The following COBL variants were observed in gnomAD, a reference collection of about 807,000 sequenced individuals.
The protein encoded by COBL is cordon-bleu WH2 repeat protein.
Under a neutral mutation model 98.8 loss-of-function variants are expected in COBL, and 51 were observed. The ratio of observed to expected loss-of-function variants is 0.52; its 90% CI spans 0.41 to 0.65. The LOEUF (loss-of-function observed/expected upper bound fraction) is 0.65, where lower values mean the gene tolerates loss of function less well. COBL is among the 30% of genes least tolerant of loss of function. COBL has a pLI of 0.00. For missense variants in COBL, 1,617 were observed against 1,617.5 expected, an observed-to-expected ratio of 1.00 and a Z score of 0.01; for synonymous variants, 634 against 651.7, an observed-to-expected ratio of 0.97 and a Z score of 0.41.
chr7:51,068,008 C>G (rs1187646201), intron 7 of COBL, among the ~76,000 whole-genome samples: 1 of 152,190 alleles, frequency 6.6e-6, no homozygotes, highest in East Asian at 1.9e-4. Context: ...AGATGCTGCC[C>G]TGGTGCCTGC....
intron 9 of COBL, 105 bp from the exon 10 acceptor site, chr7:51,029,696 AT>A: frequency 1.1e-6 from 1 of 907,350 alleles, no homozygotes; most frequent in Non-Finnish European, 1.6e-6. Context: ...TGAATACATT[AT>A]TTATATACGT....
At chr7:51,129,125 C>T (rs1009903565) in intron 6 of COBL, among the ~76,000 whole-genome samples, 2 of 152,100 alleles carry the variant, frequency 1.3e-5, no homozygotes, top group East Asian at 1.9e-4. Flanking sequence ...GCTTTTTTCA[C>T]TGAGAAACTG....
At chr7:51,174,787 C>T (rs2129045994) in intron 5 of COBL, among the ~76,000 whole-genome samples, 2 of 152,334 alleles carry the variant, frequency 1.3e-5, no homozygotes, top group South Asian at 4.1e-4. Flanking sequence ...TTCTTATAAC[C>T]ATGGCTGAAT....
chr7:51,170,411 C>T (rs1474906792), intron 5 of COBL, among the ~76,000 whole-genome samples: 1 of 150,810 alleles, frequency 6.6e-6, no homozygotes, highest in Non-Finnish European at 1.5e-5. Flanking sequence ...AAGGCTTACC[C>T]ATTCCTCATG....
At chr7:51,292,799 A>G (rs536166608) in intron 1 of COBL, among the ~76,000 whole-genome samples, 5 of 152,224 alleles carry the variant, frequency 3.3e-5, no homozygotes, top group Non-Finnish European at 7.3e-5. Flanking sequence ...CAGCCCCTGC[A>G]GGCCCCGAGC....
chr7:51,228,691 TCACAA>T (rs1794438015), intron 1 of COBL, among the ~76,000 whole-genome samples: 1 of 152,076 alleles, frequency 6.6e-6, no homozygotes, highest in African/African-American at 2.4e-5. Flanking sequence ...CACTGATATC[TCACAA>T]CACATCAAGT....
chr7:51,290,132 T>C (rs532670198), intron 1 of COBL, among the ~76,000 whole-genome samples: 1 of 152,030 alleles, frequency 6.6e-6, no homozygotes, highest in South Asian at 2.1e-4. Context: ...GAATGAAAGG[T>C]GGTGACTGCT....
At chr7:51,018,947 T>C (rs1461240404) in intron 12 of COBL, among the ~76,000 whole-genome samples, 1 of 108,516 alleles carries the variant, frequency 9.2e-6, no homozygotes, top group Non-Finnish European at 2.0e-5. Flanking sequence ...TATATATATA[T>C]ATATATGATT....
intron 6 of COBL, among the ~76,000 whole-genome samples, chr7:51,087,778 C>CT (rs34922133): frequency 0.53 from 62,089 of 117,172 alleles, 17,115 homozygotes; most frequent in African/African-American, 0.6. Flanking sequence ...CCGGCCCCGC[C>CT]TTTTTTTTTT....
intron 7 of COBL, among the ~76,000 whole-genome samples, chr7:51,049,503 A>G (rs1271156719): frequency 6.6e-6 from 1 of 152,208 alleles, no homozygotes; most frequent in Non-Finnish European, 1.5e-5. Flanking sequence ...ATTCTCCCAG[A>G]AGAACGTGTA....
At chr7:51,291,029 C>A (rs1268254886) in intron 1 of COBL, among the ~76,000 whole-genome samples, 2 of 152,220 alleles carry the variant, frequency 1.3e-5, no homozygotes, top group Non-Finnish European at 2.9e-5. Flanking sequence ...CAGGGGCTCA[C>A]AACCCTTGGG....
At chr7:51,242,115 C>G (rs534259717) in intron 1 of COBL, among the ~76,000 whole-genome samples, 1 of 152,334 alleles carries the variant, frequency 6.6e-6, no homozygotes, top group African/African-American at 2.4e-5. Flanking sequence ...AACTTCACTT[C>G]AGCTTCTGAT....
chr7:51,295,694 C>G (rs1023070050), intron 1 of COBL, among the ~76,000 whole-genome samples: 1 of 152,158 alleles, frequency 6.6e-6, no homozygotes, highest in Non-Finnish European at 1.5e-5. Flanking sequence ...TTCTGTAGGT[C>G]CCTACAGATG....
At chr7:51,144,940 G>A (rs1056675967) in intron 5 of COBL, among the ~76,000 whole-genome samples, 3 of 152,212 alleles carry the variant, frequency 2.0e-5, no homozygotes, top group African/African-American at 7.2e-5. Flanking sequence ...ATCTGTTCAT[G>A]GGCATTAGAA....
At chr7:51,107,676 T>C (rs369740301) in intron 6 of COBL, among the ~76,000 whole-genome samples, 2 of 152,094 alleles carry the variant, frequency 1.3e-5, no homozygotes, top group Admixed American at 1.3e-4. Context: ...CAACATACCA[T>C]GGGCAGACCT....
chr7:51,281,908 T>C (rs1337889991), intron 1 of COBL, among the ~76,000 whole-genome samples: 1 of 152,158 alleles, frequency 6.6e-6, no homozygotes, highest in South Asian at 2.1e-4. Context: ...AAAATGTAGA[T>C]GTAACACATA....
chr7:51,252,059 T>C (rs1203777045), intron 1 of COBL, among the ~76,000 whole-genome samples: 1 of 152,206 alleles, frequency 6.6e-6, no homozygotes, highest in Non-Finnish European at 1.5e-5. Context: ...GATGTCCTTA[T>C]GTGCTCTTTT....
chr7:51,276,243 G>A (rs917267088), intron 1 of COBL, among the ~76,000 whole-genome samples: 5 of 152,202 alleles, frequency 3.3e-5, no homozygotes, highest in Non-Finnish European at 7.3e-5. Context: ...TAATCCATGA[G>A]TAACTGTTTC....
intron 5 of COBL, among the ~76,000 whole-genome samples, chr7:51,154,035 C>T (rs1049253140): frequency 6.6e-5 from 10 of 152,252 alleles, no homozygotes; most frequent in Middle Eastern, 3.4e-3. Flanking sequence ...AGGCCCGTGT[C>T]GCTGAAAGAT....
Sources: gnomAD v4.1 joint callset for allele counts (sites outside exome capture counted in the v4.1 genomes callset) on GRCh38, gnomAD v4.1.1 for gene constraint, MANE v1.5 for transcripts, NCBI Gene and HGNC (gene_info 2026-07-23, HGNC 2026-07-21) for gene names.